SYTL5: variants seen among roughly 807,000 people sequenced by gnomAD.
The protein encoded by SYTL5 is synaptotagmin like 5.
Under a neutral mutation model 55.9 loss-of-function variants are expected in SYTL5, and 34 were observed. That is an observed-to-expected ratio of 0.61 (90% CI 0.46 to 0.81). The LOEUF (loss-of-function observed/expected upper bound fraction) is 0.81. Among genes scored for constraint, SYTL5 ranks in the 30% least tolerant of loss-of-function variants. SYTL5 has a pLI of 0.00. For missense variants in SYTL5, 637 were observed against 546.7 expected, an observed-to-expected ratio of 1.17 and a Z score of -1.65; for synonymous variants, 221 against 188.7, an observed-to-expected ratio of 1.17 and a Z score of -1.40.
intron 12 of SYTL5, among the ~76,000 whole-genome samples, chrX:38,110,005 A>G (rs1210607889): frequency 9.0e-5 from 10 of 111,149 alleles, no homozygotes; most frequent in African/African-American, 3.3e-4. Context: ...ATAATTAAGG[A>G]AAATGAAAAA....
rs189042681 is a variant in SYTL5, at chrX:38,096,544, A to G, written c.1062+310A>G. ...AGAGATCCTAACATTTTCCTTAGCC[A>G]AATATTATTAGAAATATCTGATTAC... On this transcript the variant is annotated intron_variant, in intron 9 of 16. Coordinates refer to ENST00000297875, the MANE Select transcript of SYTL5 (RefSeq NM_138780.3). Among the ~76,000 whole-genome samples, 12 of 111,315 alleles carry G rather than the reference A, an allele frequency of 1.1e-4. No individual in the cohort carries two copies. In the East Asian group the frequency reaches 3.1e-3, roughly 29 times the overall value.
the SYTL5 span, among the ~76,000 whole-genome samples, chrX:37,898,656 G>A: frequency 8.9e-6 from 1 of 111,949 alleles, no homozygotes; most frequent in Non-Finnish European, 1.9e-5. Flanking sequence ...TTAGAGACAG[G>A]AATAATTCTT....
At chrX:37,990,522 G>A in the SYTL5 span, among the ~76,000 whole-genome samples, 1 of 112,432 alleles carries the variant, frequency 8.9e-6, no homozygotes, top group Non-Finnish European at 1.9e-5. Flanking sequence ...ACAGAGCAAA[G>A]TTTTCCACTG....
At chrX:37,987,381 A>G in the SYTL5 span, among the ~76,000 whole-genome samples, 1 of 112,157 alleles carries the variant, frequency 8.9e-6, no homozygotes, top group Non-Finnish European at 1.9e-5. Context: ...CCAAAATGTC[A>G]ATAGTGCTAA....
intron 15 of SYTL5, among the ~76,000 whole-genome samples, chrX:38,124,332 A>G (rs1937604601): frequency 8.9e-6 from 1 of 112,106 alleles, no homozygotes; most frequent in African/African-American, 3.2e-5. Context: ...GAGAGAATGG[A>G]TATTAGGAGA....
At chrX:37,993,793 G>C in the SYTL5 span, among the ~76,000 whole-genome samples, 9,729 of 112,052 alleles carry the variant, frequency 0.087, 661 homozygotes, top group East Asian at 0.21. Flanking sequence ...CCTAAAGACA[G>C]GACAATACTT....
At chrX:37,913,014 C>G in the SYTL5 span, among the ~76,000 whole-genome samples, 1 of 111,907 alleles carries the variant, frequency 8.9e-6, no homozygotes, top group South Asian at 3.8e-4. Flanking sequence ...TTCTAGGAAG[C>G]CTGCTTAAAG....
chrX:37,963,092 G>A, the SYTL5 span, among the ~76,000 whole-genome samples: 1 of 111,157 alleles, frequency 9.0e-6, no homozygotes, highest in African/African-American at 3.3e-5. Context: ...ATTTTTTGGT[G>A]TATAAGTTTT....
Position 38,127,699 on chromosome X carries a change from A to G in SYTL5, c.*969A>G, listed in dbSNP as rs916855935. On this transcript the variant is annotated 3_prime_UTR_variant, in exon 17 of 17. Coordinates refer to ENST00000297875, the MANE Select transcript of SYTL5 (RefSeq NM_138780.3). ...TTTGCAGTGGTTAACTATTGTCACA[A>G]TAATGCTGAATGAAAAAACACACCA... 1 of 111,994 alleles carries G rather than the reference A, an allele frequency of 8.9e-6. No homozygotes were observed. Among genetic ancestry groups the G allele is most frequent in the Non-Finnish European group, 1.9e-5 (1 of 53,236 alleles). The allele number at this position is 111,994 out of a possible 1,213,427, so 9.2% of individuals were successfully genotyped here.
At chrX:37,897,949 T>C in the SYTL5 span, among the ~76,000 whole-genome samples, 11 of 111,232 alleles carry the variant, frequency 9.9e-5, no homozygotes, top group African/African-American at 3.6e-4. Flanking sequence ...ATACAAAAAA[T>C]CAACTGTGTG....
At chrX:37,912,283 T>A in the SYTL5 span, among the ~76,000 whole-genome samples, 1 of 112,090 alleles carries the variant, frequency 8.9e-6, no homozygotes, top group Admixed American at 9.5e-5. Context: ...GACCACCAGA[T>A]AACAGAAGCC....
At chrX:37,902,020 G>A in the SYTL5 span, among the ~76,000 whole-genome samples, 38 of 112,498 alleles carry the variant, frequency 3.4e-4, no homozygotes, top group Non-Finnish European at 6.4e-4. Context: ...TATGTAATAG[G>A]AAATAGGGGA....
At chrX:38,104,019 A>C (rs760976676) in intron 10 of SYTL5, among the ~76,000 whole-genome samples, 5 of 112,327 alleles carry the variant, frequency 4.5e-5, no homozygotes, top group Non-Finnish European at 9.4e-5. Flanking sequence ...CCTATTGAGC[A>C]CTACACAGTT....
chrX:38,053,352 A>G (rs2147297077), intron 2 of SYTL5, among the ~76,000 whole-genome samples: 1 of 112,763 alleles, frequency 8.9e-6, no homozygotes, highest in South Asian at 3.6e-4. Flanking sequence ...TTATCATCTC[A>G]TTTAATCTTT....
At chrX:38,090,435 A>G (rs1227105012) in intron 7 of SYTL5, among the ~76,000 whole-genome samples, 1 of 112,245 alleles carries the variant, frequency 8.9e-6, no homozygotes, top group East Asian at 2.8e-4. Flanking sequence ...GAGAATATGA[A>G]AAAAGTATTT....
Position 38,094,438 on chromosome X carries a change from A to G in SYTL5, c.961+14A>G. ...CTCTCTCCTCAGGTGGGTATTTACA[A>G]TGTGCCTACTTTGTTGTTTAAAATG... On this transcript the variant is annotated intron_variant, in intron 8 of 16. Coordinates refer to ENST00000297875, the MANE Select transcript of SYTL5 (RefSeq NM_138780.3). The G allele has an allele frequency of 8.4e-7, 1 of 1,184,494 alleles. No homozygotes were observed.
chrX:37,958,060 T>C, the SYTL5 span, among the ~76,000 whole-genome samples: 1 of 110,455 alleles, frequency 9.1e-6, no homozygotes, highest in East Asian at 2.9e-4. Context: ...AATACAAAAA[T>C]TAGCCAGGTG....
the SYTL5 span, among the ~76,000 whole-genome samples, chrX:37,984,732 T>G: frequency 9.0e-6 from 1 of 110,743 alleles, no homozygotes; most frequent in Non-Finnish European, 1.9e-5. Flanking sequence ...TACAAAAACC[T>G]TCAAGAAAAT....
At chrX:38,052,236 A>C (rs765770012) in intron 2 of SYTL5, among the ~76,000 whole-genome samples, 3 of 111,934 alleles carry the variant, frequency 2.7e-5, no homozygotes, top group Non-Finnish European at 5.6e-5. Context: ...AAATTACCAC[A>C]AACTTGGTGG....
Sources: allele counts gnomAD v4.1 joint callset (sites outside exome capture counted in the v4.1 genomes callset), GRCh38; gene constraint gnomAD v4.1.1; transcripts MANE v1.5; gene names NCBI Gene and HGNC (gene_info 2026-07-23, HGNC 2026-07-21).